The following DNMT1 variants were observed in gnomAD, a reference collection of about 807,000 sequenced individuals.
DNMT1 encodes DNA methyltransferase 1.
DNMT1 carries 24 observed loss-of-function variants against 205.3 expected under a neutral mutation model. The ratio of observed to expected loss-of-function variants is 0.12; its 90% CI spans 0.08 to 0.16. The LOEUF is 0.16. DNMT1 is among the 10% of genes least tolerant of loss of function. The pLI is 1.00. For synonymous variants in DNMT1, 817 were observed against 839.8 expected (o/e 0.97, Z 0.47); for missense variants, 1,293 against 2,177.7 (o/e 0.59, Z 8.09).
In DNMT1 at chr19:10,135,868, G is replaced by A. The variant is rs770715170; in HGVS notation, c.4657-16C>T. 1.7e-5 allele frequency: 26 copies of A among 1,543,418 alleles called. No individual in the cohort carries two copies. The highest frequency in any genetic ancestry group is 3.6e-5 in the South Asian group (3 of 84,206). ...GCACGCGGCCCTGGGGGAAAGAGGCGCGGTGGGCGAGGGCAGTAGCACCCA... is the reference window on the plus strand; with the variant it reads ...GCACGCGGCCCTGGGGGAAAGAGGCACGGTGGGCGAGGGCAGTAGCACCCA... On this transcript the variant is annotated splice_polypyrimidine_tract_variant and intron_variant, in intron 38 of 40. Transcript: ENST00000359526.
At position 10,142,113 on chromosome 19, in the gene DNMT1, C is replaced by T. The variant is rs779489678; in HGVS notation, c.3224G>A (p.Arg1075His). Reference sequence around the variant, plus strand: ...GTCCTCCCCATACTCCACGGTGCAGCGGCCCTGCACAGCCTTGAAGTCCAC... The same window carrying T: ...GTCCTCCCCATACTCCACGGTGCAGTGGCCCTGCACAGCCTTGAAGTCCAC... ...AVVDFKAVQG[R>H]CTVEYGEDLP... is the part of the protein sequence containing the mutation. Residue 1075 changes from arginine to histidine, a missense_variant, in exon 30 of 41, where the codon CGC (arginine) becomes CAC (histidine). Physicochemically the swap from Arg to His is conservative, Grantham distance 29. Transcript: ENST00000359526. The T allele has an allele frequency of 8.7e-6, 14 of 1,613,642 alleles. No homozygotes were observed. Among genetic ancestry groups the T allele is most frequent in the Admixed American group, 5.0e-5 (3 of 60,004 alleles).
chr19:10,191,364 T>TAAAA (rs548166248), intron 1 of DNMT1, among the ~76,000 whole-genome samples: 2 of 129,290 alleles, frequency 1.5e-5, no homozygotes, highest in Non-Finnish European at 3.3e-5. Context: ...TTTCAAAATG[T>TAAAA]AAAAAAAAAA....
Position 10,138,423 on chromosome 19 carries a change from G to A in DNMT1, c.4115+16C>T, listed in dbSNP as rs775701177. On this transcript the variant is annotated intron_variant, in intron 35 of 40. Coordinates refer to ENST00000359526, the MANE Select transcript of DNMT1 (RefSeq NM_001130823.3). The surrounding 1 kb of genome is among the most constrained non-coding windows in gnomAD (Gnocchi z 4.1). ...CCTGCTCGGCAGTGTGTGGAGGAGC[G>A]ACGGGGGCCACCTACCTGGTTATGT... The A allele has an allele frequency of 1.5e-5, 24 of 1,613,818 alleles. No individual in the cohort carries two copies. Among genetic ancestry groups the A allele is most frequent in the South Asian group, 8.8e-5 (8 of 91,058 alleles).
At chr19:10,136,038 T>G in intron 38 of DNMT1, 83 bp downstream of exon 38, 1 of 1,592,946 alleles carries the variant, frequency 6.3e-7, no homozygotes, top group Non-Finnish European at 8.5e-7. Context: ...TGTCCCCCAC[T>G]TGGCTAAACC....
intron 5 of DNMT1, among the ~76,000 whole-genome samples, chr19:10,178,037 T>C (rs2038968798): frequency 6.7e-6 from 1 of 149,386 alleles, no homozygotes; most frequent in African/African-American, 2.5e-5. Context: ...GACGGGCAGA[T>C]CACAAGGTCA....
At chr19:10,152,710 A>G (rs2038374783) in intron 22 of DNMT1, among the ~76,000 whole-genome samples, 1 of 152,086 alleles carries the variant, frequency 6.6e-6, no homozygotes. Flanking sequence ...GCAGTGAGCT[A>G]CAATCATGCC....
chr19:10,154,859 A>T lies in DNMT1; in HGVS notation c.1644+46T>A, dbSNP rs778524656. The T allele has an allele frequency of 6.2e-7, 1 of 1,614,190 alleles. No homozygotes were observed. The highest frequency in any genetic ancestry group is 8.5e-7 in the Non-Finnish European group (1 of 1,180,032). ...ACAGTGTCTGCTGGTTCTGAAGGCA[A>T]GTTTCCAGTGGGAATCCCGGATGCT... On this transcript the variant is annotated intron_variant, in intron 20 of 40. Coordinates refer to ENST00000359526, the MANE Select transcript of DNMT1 (RefSeq NM_001130823.3). This position sits in a 1 kb window ranked among gnomAD's most constrained non-coding sequence, Gnocchi z 6.3.
rs778120546 is a variant in DNMT1, at chr19:10,194,919, G to T, written c.-20C>A. 5 of 1,597,400 alleles carry T rather than the reference G, an allele frequency of 3.1e-6. No individual in the cohort carries two copies. In the African/African-American group the frequency reaches 5.4e-5, roughly 17 times the overall value. On this transcript the variant is annotated 5_prime_UTR_variant, in exon 1 of 41. Transcript: ENST00000359526. ...CGGCATCTCGGAGGCTTCAGCAGAC[G>T]CGGCGGCGGCAGCGCAGGCGCCCCG...
chr19:10,141,867 C>A, intron 30 of DNMT1, 161 bp downstream of exon 30: 1 of 764,344 alleles, frequency 1.3e-6, no homozygotes, highest in Non-Finnish European at 2.1e-6. Flanking sequence ...CTGCTCAGAC[C>A]CCCGTAAAGC....
intron 8 of DNMT1, 134 bp from the exon 9 acceptor site, chr19:10,173,308 T>C: frequency 1.2e-6 from 1 of 835,068 alleles, no homozygotes; most frequent in South Asian, 1.4e-5. Context: ...ACATACTCAT[T>C]TAACATTTAG....
intron 1 of DNMT1, among the ~76,000 whole-genome samples, chr19:10,182,400 T>C (rs950726773): frequency 1.2e-5 from 1 of 82,252 alleles, no homozygotes; most frequent in African/African-American, 4.4e-5. Flanking sequence ...TATGTGTATA[T>C]ATATACATAT....
intron 10 of DNMT1, among the ~76,000 whole-genome samples, chr19:10,168,123 A>T (rs2038732548): frequency 6.6e-6 from 1 of 152,072 alleles, no homozygotes; most frequent in Non-Finnish European, 1.5e-5. Flanking sequence ...ACTCCGTCTC[A>T]AAATTAAATT....
chr19:10,173,771 C>T (rs961894460), intron 8 of DNMT1, 100 bp downstream of exon 8: 63 of 1,314,016 alleles, frequency 4.8e-5, no homozygotes, highest in African/African-American at 5.8e-5. Context: ...AGATTACAGG[C>T]ATGAGTCACC....
chr19:10,180,556 G>A lies in DNMT1; in HGVS notation c.239C>T (p.Ala80Val). 6 of 1,614,126 alleles carry A rather than the reference G, an allele frequency of 3.7e-6. No individual in the cohort carries two copies. Among genetic ancestry groups the A allele is most frequent in the Non-Finnish European group, 5.1e-6 (6 of 1,180,034 alleles). Residue 80 changes from alanine to valine, a missense_variant, in exon 4 of 41, where the codon GCT (alanine) becomes GTT (valine). Physicochemically the swap from Ala to Val is moderately conservative, Grantham distance 64. Around this residue, in one of 13 missense-constraint regions of DNMT1, gnomAD observed 394 missense variants for 451.6 expected, o/e 0.87. Coordinates refer to ENST00000359526, the MANE Select transcript of DNMT1 (RefSeq NM_001130823.3). ...TTTATTTAAAAGGGATTTGACTTTAGCCAGGTAGCCCTCCTACAGCAGGAA... is the reference window on the plus strand; with the variant it reads ...TTTATTTAAAAGGGATTTGACTTTAACCAGGTAGCCCTCCTACAGCAGGAA... ...KEELSEEGYL[A>V]KVKSLLNKDL...
chr19:10,138,825 G>A lies in DNMT1; in HGVS notation c.3949-220C>T, dbSNP rs1340599880. ...GCTGAGCCCAGGGGACAGCCACTGG[G>A]GAAGGTGGGAGCAAACCCTGCGGGG... On this transcript the variant is annotated intron_variant, in intron 34 of 40. Transcript: ENST00000359526. This position sits in a 1 kb window ranked among gnomAD's most constrained non-coding sequence, Gnocchi z 4.1. 1.3e-5 allele frequency among the ~76,000 whole-genome samples: 2 copies of A among 152,242 alleles called. No individual in the cohort carries two copies. Among genetic ancestry groups the A allele is most frequent in the Non-Finnish European group, 2.9e-5 (2 of 68,042 alleles).
intron 11 of DNMT1, among the ~76,000 whole-genome samples, chr19:10,164,228 C>T (rs1267395983): frequency 6.6e-6 from 1 of 152,172 alleles, no homozygotes; most frequent in African/African-American, 2.4e-5. Context: ...TGGCTCACCT[C>T]TGCCTCTCAG....
Position 10,134,211 on chromosome 19 carries a change from C to T in DNMT1, c.4864+6G>A, listed in dbSNP as rs1431147220. ...CCCAGAGGAAGCCTGGCCCACCCCA[C>T]CATACCTGAGGCACTCTCTCGGGCT... On this transcript the variant is annotated splice_donor_region_variant and intron_variant, in intron 40 of 40. Coordinates refer to ENST00000359526, the MANE Select transcript of DNMT1 (RefSeq NM_001130823.3). 1.2e-6 allele frequency: 2 copies of T among 1,614,210 alleles called. No homozygotes were observed. Among genetic ancestry groups the T allele is most frequent in the East Asian group, 4.5e-5 (2 of 44,886 alleles).
Position 10,136,248 on chromosome 19 carries a change from G to T in DNMT1, c.4529C>A (p.Thr1510Asn). The change falls in exon 38 of 41, where the codon ACC (threonine) becomes AAC (asparagine). Residue 1510 changes from threonine to asparagine, a missense_variant. By Grantham distance (65) the Thr-to-Asn change is moderately conservative (BLOSUM62 0). Around this residue, in one of 13 missense-constraint regions of DNMT1, gnomAD observed 148 missense variants for 256.1 expected, o/e 0.58. Transcript: ENST00000359526. ...GTGGGGCAGGCACCAGGGGATGAGG[G>T]TGTTGAACTGCCTGGCTGCGGGGTC... The part of the protein sequence containing the change: ...ACDPAARQFN[T>N]LIPWCLPHTG... The T allele has an allele frequency of 6.2e-7, 1 of 1,614,158 alleles. No homozygotes were observed. Among genetic ancestry groups the T allele is most frequent in the East Asian group, 2.2e-5 (1 of 44,888 alleles).
intron 27 of DNMT1, among the ~76,000 whole-genome samples, chr19:10,148,143 A>G (rs1329386955): frequency 6.7e-6 from 1 of 148,192 alleles, no homozygotes; most frequent in Non-Finnish European, 1.5e-5. Flanking sequence ...AAAAAATTAA[A>G]AAAATAATAA....
Sources: gnomAD v4.1 joint callset for allele counts (sites outside exome capture counted in the v4.1 genomes callset) on GRCh38, gnomAD v4.1.1 for gene constraint, gnomAD v4.1.1 regional missense constraint, Gnocchi (gnomAD v3.1) non-coding constraint, MANE v1.5 for transcripts, NCBI Gene and HGNC (gene_info 2026-07-23, HGNC 2026-07-21) for gene names.